PPHLN1: variants seen among roughly 807,000 people sequenced by gnomAD.
PPHLN1 encodes the protein periphilin-1.
In PPHLN1, 29 loss-of-function variants were observed where a neutral mutation model predicts 51.3. That is an observed-to-expected ratio of 0.57 (90% CI 0.42 to 0.77). The LOEUF (loss-of-function observed/expected upper bound fraction) is 0.77. Ranked by LOEUF, PPHLN1 falls within the 30% of genes least tolerant of loss-of-function variation. The pLI is 0.00. For missense variants in PPHLN1, 436 were observed against 438.4 expected (o/e 0.99, Z 0.05); for synonymous variants, 147 against 147.8 (o/e 0.99, Z 0.04).
intron 4 of PPHLN1, among the ~76,000 whole-genome samples, chr12:42,366,678 C>T (rs745798967): frequency 2.6e-5 from 4 of 152,130 alleles, no homozygotes; most frequent in Non-Finnish European, 5.9e-5. Flanking sequence ...CCTGAGCCAC[C>T]GTGCCCCAGT....
At chr12:42,343,177 A>G (rs1414436517) in intron 2 of PPHLN1, among the ~76,000 whole-genome samples, 6 of 152,226 alleles carry the variant, frequency 3.9e-5, no homozygotes, top group Non-Finnish European at 8.8e-5. Context: ...ATTGTTTAAA[A>G]TGTATTAATG....
chr12:42,425,531 C>T (rs1415016100), intron 9 of PPHLN1, among the ~76,000 whole-genome samples: 5 of 151,754 alleles, frequency 3.3e-5, no homozygotes, highest in Non-Finnish European at 5.9e-5. Context: ...GGATTACAGG[C>T]GCATGCCACC....
chr12:42,403,541 A>G (rs544832886), intron 9 of PPHLN1, among the ~76,000 whole-genome samples: 35 of 152,348 alleles, frequency 2.3e-4, no homozygotes, highest in African/African-American at 7.9e-4. Flanking sequence ...TTTAAAAGGA[A>G]GCATCTCTTA....
chr12:42,330,105 G>T (rs947811677), intron 1 of PPHLN1, among the ~76,000 whole-genome samples: 5 of 152,168 alleles, frequency 3.3e-5, no homozygotes, highest in African/African-American at 9.7e-5. Flanking sequence ...GTGCACATAG[G>T]CCAGATTTAT....
At chr12:42,350,018 T>C (rs1422657722) in intron 2 of PPHLN1, among the ~76,000 whole-genome samples, 6 of 137,142 alleles carry the variant, frequency 4.4e-5, no homozygotes, top group Middle Eastern at 5.5e-3. Context: ...CCAGAGGGGG[T>C]GGCCGGGCAG....
chr12:42,341,662 G>A (rs918777928), intron 2 of PPHLN1, among the ~76,000 whole-genome samples: 3 of 151,528 alleles, frequency 2.0e-5, no homozygotes, highest in African/African-American at 4.9e-5. Context: ...TGGCTCTATC[G>A]CCCAGGCTGG....
intron 9 of PPHLN1, among the ~76,000 whole-genome samples, chr12:42,423,956 C>T (rs773262862): frequency 2.0e-5 from 3 of 152,146 alleles, no homozygotes; most frequent in Admixed American, 6.5e-5. Flanking sequence ...GGATTATAGA[C>T]GTGAGCCACT....
chr12:42,327,873 C>G (rs1034086435), intron 1 of PPHLN1, among the ~76,000 whole-genome samples: 1 of 152,226 alleles, frequency 6.6e-6, no homozygotes, highest in Non-Finnish European at 1.5e-5. Flanking sequence ...GAAGGGGTCA[C>G]CTGCCACTCA....
At chr12:42,390,555 G>T (rs2077596723) in intron 7 of PPHLN1, among the ~76,000 whole-genome samples, 1 of 152,058 alleles carries the variant, frequency 6.6e-6, no homozygotes, top group Admixed American at 6.5e-5. Context: ...AACTACTTTT[G>T]TCTGATAGTT....
intron 4 of PPHLN1, among the ~76,000 whole-genome samples, chr12:42,368,812 A>G (rs1396884562): frequency 6.6e-6 from 1 of 152,214 alleles, no homozygotes; most frequent in Non-Finnish European, 1.5e-5. Context: ...TCTTTCCAAA[A>G]TACAATTAAA....
chr12:42,332,277 A>C (rs2069871153), intron 1 of PPHLN1, among the ~76,000 whole-genome samples: 1 of 152,204 alleles, frequency 6.6e-6, no homozygotes, highest in Non-Finnish European at 1.5e-5. Context: ...CTGTCTTCTA[A>C]TTACCATAGG....
At chr12:42,389,703 C>T (rs928963433) in intron 7 of PPHLN1, among the ~76,000 whole-genome samples, 4 of 152,188 alleles carry the variant, frequency 2.6e-5, no homozygotes, top group African/African-American at 9.7e-5. Flanking sequence ...ATTGCTGCAA[C>T]CCATATTCTC....
chr12:42,377,293 TTTTC>T (rs1364459320), intron 5 of PPHLN1, among the ~76,000 whole-genome samples: 1 of 137,258 alleles, frequency 7.3e-6, no homozygotes, highest in Non-Finnish European at 1.6e-5. Flanking sequence ...CCTTAAAATT[TTTTC>T]TTTCTTTTTT....
chr12:42,378,653 G>T (rs941175881), intron 5 of PPHLN1, among the ~76,000 whole-genome samples: 10 of 151,596 alleles, frequency 6.6e-5, no homozygotes, highest in Non-Finnish European at 7.4e-5. Flanking sequence ...CTATTTTAAT[G>T]ATCATTATTG....
chr12:42,381,723 G>A (rs1034781651), intron 5 of PPHLN1, among the ~76,000 whole-genome samples: 1 of 152,104 alleles, frequency 6.6e-6, no homozygotes, highest in Non-Finnish European at 1.5e-5. Flanking sequence ...TTCCTAACCA[G>A]AAGTCCCAAA....
At chr12:42,378,418 T>C (rs527800182) in intron 5 of PPHLN1, among the ~76,000 whole-genome samples, 63 of 152,218 alleles carry the variant, frequency 4.1e-4, no homozygotes, top group South Asian at 6.2e-4. Context: ...TTGCAGCACC[T>C]GGCTTTTTTT....
intron 9 of PPHLN1, among the ~76,000 whole-genome samples, chr12:42,427,481 C>T (rs551496646): frequency 9.9e-5 from 15 of 152,270 alleles, no homozygotes; most frequent in African/African-American, 3.1e-4. Context: ...TTACAGCCAA[C>T]TGATCTTCGA....
At chr12:42,344,683 C>A (rs932597744) in intron 2 of PPHLN1, among the ~76,000 whole-genome samples, 3 of 149,070 alleles carry the variant, frequency 2.0e-5, no homozygotes, top group Non-Finnish European at 4.4e-5. Context: ...TACCTAGTTA[C>A]TTATGAGATT....
chr12:42,375,455 G>T (rs1184733085), intron 5 of PPHLN1, among the ~76,000 whole-genome samples: 3 of 151,684 alleles, frequency 2.0e-5, no homozygotes, highest in African/African-American at 7.3e-5. Flanking sequence ...GGGAATACAG[G>T]TGTGCACCAC....
Sources: allele counts gnomAD v4.1 joint callset (sites outside exome capture counted in the v4.1 genomes callset), GRCh38; gene constraint gnomAD v4.1.1; transcripts MANE v1.5; gene names NCBI Gene and HGNC (gene_info 2026-07-23, HGNC 2026-07-21).